ZMYM1: variants seen among roughly 807,000 people sequenced by gnomAD.
ZMYM1 encodes zinc finger MYM-type containing 1.
ZMYM1 carries 39 observed loss-of-function variants against 60.0 expected under a neutral mutation model. The ratio of observed to expected loss-of-function variants is 0.65; its 90% CI spans 0.50 to 0.85. ZMYM1 has a LOEUF of 0.85. ZMYM1 is among the 40% of genes least tolerant of loss of function. ZMYM1 has a pLI of 0.00. For missense variants in ZMYM1, 1,171 were observed against 1,309.5 expected (o/e 0.89, Z 1.63); for synonymous variants, 413 against 454.0 (o/e 0.91, Z 1.15).
Position 35,110,437 on chromosome 1 carries a change from A to T in ZMYM1, c.951A>T (p.Glu317Asp). 6 of 1,510,300 alleles carry T rather than the reference A, an allele frequency of 4.0e-6. No individual in the cohort carries two copies. Among genetic ancestry groups the T allele is most frequent in the Non-Finnish European group, 5.3e-6 (6 of 1,132,888 alleles). 93.6% of individuals were successfully genotyped at this position (1,510,300 alleles called of 1,614,324 possible). A position where few individuals can be genotyped will look rare whatever the true frequency, so the allele number is the denominator to read the frequency against. ...CFSAYSKAKM[E>D]SSSVSVVSVV... ...CTGCATACAGTAAAGCTAAGATGGAATCTTCTTCAGGTAATGTTTGTTTAG... is the reference window on the plus strand; with the variant it reads ...CTGCATACAGTAAAGCTAAGATGGATTCTTCTTCAGGTAATGTTTGTTTAG... The change falls in exon 7 of 10, where the codon GAA (glutamate) becomes GAT (aspartate). Residue 317 changes from glutamate (E) to aspartate (D), a missense_variant. Glu to Asp is a conservative substitution (Grantham distance 45). Coordinates refer to ENST00000359858, the MANE Select transcript of ZMYM1 (RefSeq NM_024772.5).
Position 35,113,898 on chromosome 1 carries a change from G to T in ZMYM1, c.2068G>T (p.Gly690Trp). The change falls in exon 10 of 10, where the codon GGG becomes TGG. Residue 690 changes from glycine (G) to tryptophan (W), a missense_variant. By Grantham distance (184) the Gly-to-Trp change is radical. Transcript: ENST00000359858. ...TTTTGTTGATACTGAGGAGATGACT[G>T]GGACCCACTTACATAGGACTATCAA... is the stretch of plus-strand genomic sequence containing the variant. ...LGFVDTEEMTGTHLHRTIKTY... is the reference protein window; with the variant it reads ...LGFVDTEEMTWTHLHRTIKTY... 6.2e-7 allele frequency: 1 copy of T among 1,613,818 alleles called. No individual in the cohort carries two copies. The highest frequency in any genetic ancestry group is 8.5e-7 in the Non-Finnish European group (1 of 1,179,876).
chr1:35,098,699 G>T (rs1234311600), intron 4 of ZMYM1, among the ~76,000 whole-genome samples: 3 of 152,140 alleles, frequency 2.0e-5, no homozygotes, highest in Non-Finnish European at 4.4e-5. Flanking sequence ...CTGAGCTCAG[G>T]AGTTTGAGAC....
chr1:35,071,909 C>T (rs1194675974), intron 1 of ZMYM1, among the ~76,000 whole-genome samples: 2 of 152,116 alleles, frequency 1.3e-5, no homozygotes, highest in Non-Finnish European at 2.9e-5. Context: ...GAGGCTAAGG[C>T]GGGCAGATCA....
At chr1:35,104,907 C>G (rs930049062) in intron 6 of ZMYM1, 138 bp downstream of exon 6, 4 of 634,034 alleles carry the variant, frequency 6.3e-6, no homozygotes, top group Non-Finnish European at 1.0e-5. Flanking sequence ...AGGCTTTTAA[C>G]GGTTTCTTCT....
chr1:35,073,738 G>T (rs1009787944), intron 1 of ZMYM1, among the ~76,000 whole-genome samples: 10 of 151,892 alleles, frequency 6.6e-5, no homozygotes, highest in African/African-American at 2.4e-4. Context: ...TCTCTTTTTT[G>T]ATCCATTTTT....
At position 35,088,472 on chromosome 1, in the gene ZMYM1, G is replaced by A. The variant is rs987197470; in HGVS notation, c.-74-5442G>A. 7.1e-3 allele frequency among the ~76,000 whole-genome samples: 1,010 copies of A among 142,070 alleles called. 17 individuals carry two copies. The highest frequency in any genetic ancestry group is 0.021 in the African/African-American group (802 of 38,914). The allele number at this position is 142,070 out of a possible 152,430, so 93.2% of individuals were successfully genotyped here. ...TATATATATGTGTGTGTGTGTGTGTGTGTGTGTGTGTGTGTGTGTGTGTGT... is the reference window on the plus strand; with the variant it reads ...TATATATATGTGTGTGTGTGTGTGTATGTGTGTGTGTGTGTGTGTGTGTGT... On this transcript the variant is annotated intron_variant, in intron 1 of 9. Transcript: ENST00000359858.
intron 6 of ZMYM1, among the ~76,000 whole-genome samples, chr1:35,109,577 G>A (rs1286301180): frequency 6.6e-6 from 1 of 152,108 alleles, no homozygotes; most frequent in African/African-American, 2.4e-5. Flanking sequence ...ATCTTGTAAG[G>A]TATTTAAGTT....
intron 1 of ZMYM1, among the ~76,000 whole-genome samples, chr1:35,064,307 A>AC (rs914253913): frequency 5.3e-5 from 6 of 113,832 alleles, no homozygotes; most frequent in East Asian, 5.0e-4. Flanking sequence ...AAAAAAAAAA[A>AC]AAAAAACAAA....
At chr1:35,073,250 CAAAA>C (rs71029061) in intron 1 of ZMYM1, among the ~76,000 whole-genome samples, 1 of 69,244 alleles carries the variant, frequency 1.4e-5, no homozygotes, top group Non-Finnish European at 3.1e-5. Flanking sequence ...AACACTCTGT[CAAAA>C]AAAAAAAAAA....
At position 35,093,944 on chromosome 1, in the gene ZMYM1, C is replaced by A; in HGVS notation, c.-44C>A. ...TGGAAACTGTTCTTCAGGAAGAAACCCATTAGTTTGGAACTGGAGAATTCC... is the reference window on the plus strand; with the variant it reads ...TGGAAACTGTTCTTCAGGAAGAAACACATTAGTTTGGAACTGGAGAATTCC... On this transcript the variant is annotated 5_prime_UTR_variant, in exon 2 of 10. Coordinates refer to ENST00000359858, the MANE Select transcript of ZMYM1 (RefSeq NM_024772.5). The A allele has an allele frequency of 7.3e-7, 1 of 1,368,390 alleles. No individual in the cohort carries two copies. Among genetic ancestry groups the A allele is most frequent in the Non-Finnish European group, 1.0e-6 (1 of 995,344 alleles). 84.8% of individuals were successfully genotyped at this position (1,368,390 alleles called of 1,614,324 possible). A position where few individuals can be genotyped will look rare whatever the true frequency, so the allele number is the denominator to read the frequency against.
Position 35,112,090 on chromosome 1 carries a change from C to A in ZMYM1, c.1106C>A (p.Thr369Lys). The A allele has an allele frequency of 2.5e-6, 4 of 1,612,888 alleles. No homozygotes were observed. The highest frequency in any genetic ancestry group is 3.4e-6 in the Non-Finnish European group (4 of 1,179,438). The change falls in exon 9 of 10, where the codon ACA (threonine) becomes AAA (lysine). Residue 369 changes from threonine to lysine, a missense_variant. Transcript: ENST00000359858. ...AATTTATGCTCTATTTTAACAGATA[C>A]AGTTTCTTCAGTAACAGCAACAGCA... ...PIMNTDVLQD[T>K]VSSVTATADV... is the part of the protein sequence containing the mutation.
chr1:35,114,290 T>G lies in ZMYM1; in HGVS notation c.2460T>G (p.Ile820Met). The change falls in exon 10 of 10, where the codon ATT becomes ATG. Residue 820 changes from isoleucine to methionine, a missense_variant. Transcript: ENST00000359858. ...ATGATCGTACATTACTATCTGTGAT[T>G]GACAGTCTTCCAGAGATTATTGAAA... ...TVHDRTLLSV[I>M]DSLPEIIETL... 1 of 1,613,864 alleles carries G rather than the reference T, an allele frequency of 6.2e-7. No individual in the cohort carries two copies. The highest frequency in any genetic ancestry group is 8.5e-7 in the Non-Finnish European group (1 of 1,179,848).
intron 1 of ZMYM1, among the ~76,000 whole-genome samples, chr1:35,080,718 G>C (rs2148486834): frequency 1.3e-5 from 2 of 151,982 alleles, no homozygotes; most frequent in Middle Eastern, 6.8e-3. Context: ...CCAGAAGACT[G>C]ACCGTCTTCT....
chr1:35,069,198 T>C (rs1398837750), intron 1 of ZMYM1, among the ~76,000 whole-genome samples: 3 of 152,186 alleles, frequency 2.0e-5, no homozygotes, highest in Non-Finnish European at 4.4e-5. Context: ...CTGTACTAGT[T>C]TATAATTTCA....
intron 1 of ZMYM1, among the ~76,000 whole-genome samples, chr1:35,060,451 C>T (rs927057939): frequency 6.6e-6 from 1 of 151,992 alleles, no homozygotes; most frequent in Non-Finnish European, 1.5e-5. Flanking sequence ...TGAGCCACCG[C>T]GCCCGGCTGG....
Position 35,115,386 on chromosome 1 carries a change from C to T in ZMYM1, c.*127C>T, listed in dbSNP as rs1557731724. The T allele has an allele frequency of 6.1e-6, 7 of 1,141,214 alleles. No homozygotes were observed. The highest frequency in any genetic ancestry group is 7.1e-6 in the Non-Finnish European group (6 of 839,258). The allele number at this position is 1,141,214 out of a possible 1,614,324, so 70.7% of individuals were successfully genotyped here. A position where few individuals can be genotyped will look rare whatever the true frequency, so the allele number is the denominator to read the frequency against. On this transcript the variant is annotated 3_prime_UTR_variant, in exon 10 of 10. Transcript: ENST00000359858. ...AAGTCTCCTTCCCTCCTTTAGAACT[C>T]ATTTTCTCTTCCCAAAAAGTGTTAT...
chr1:35,101,943 TATG>T (rs1397648913), intron 4 of ZMYM1, among the ~76,000 whole-genome samples: 1 of 152,226 alleles, frequency 6.6e-6, no homozygotes, highest in East Asian at 1.9e-4. Flanking sequence ...GAGCTTTAGT[TATG>T]TAGATTATGA....
At chr1:35,117,127 G>A (rs1469751921), downstream of ZMYM1, among the ~76,000 whole-genome samples, 20 of 90,872 alleles carry the variant, frequency 2.2e-4, no homozygotes, top group East Asian at 6.7e-4. Flanking sequence ...CACCGCGCCC[G>A]GCCTTTTTTT....
chr1:35,072,383 G>A (rs1221096179), intron 1 of ZMYM1, among the ~76,000 whole-genome samples: 1 of 152,050 alleles, frequency 6.6e-6, no homozygotes, highest in Non-Finnish European at 1.5e-5. Context: ...TTGAATTCCT[G>A]TGATATCAGT....
Sources: allele counts gnomAD v4.1 joint callset (sites outside exome capture counted in the v4.1 genomes callset), GRCh38; gene constraint gnomAD v4.1.1; transcripts MANE v1.5; gene names NCBI Gene and HGNC (gene_info 2026-07-23, HGNC 2026-07-21).